The following UNKL variants were observed in gnomAD, a reference collection of about 807,000 sequenced individuals.
UNKL encodes the protein unk like zinc finger, also known as putative E3 ubiquitin-protein ligase UNKL.
A neutral mutation model predicts 78.0 loss-of-function variants in UNKL; 60 were observed. The ratio of observed to expected loss-of-function variants is 0.77; its 90% CI spans 0.63 to 0.95. UNKL has a LOEUF of 0.95. Ranked by LOEUF, UNKL falls within the 40% of genes least tolerant of loss-of-function variation. UNKL has a pLI of 0.00. For synonymous variants in UNKL, 608 were observed against 474.8 expected (o/e 1.28, Z -3.65); for missense variants, 1,159 against 1,045.7 (o/e 1.11, Z -1.49).
intron 11 of UNKL, among the ~76,000 whole-genome samples, chr16:1,370,854 C>T (rs1394519168): frequency 2.6e-5 from 4 of 152,268 alleles, no homozygotes; most frequent in Admixed American, 6.5e-5. Context: ...GAGGCCAAGG[C>T]GGGCAGATCA....
At chr16:1,379,644 A>ACGGTCCGCGGC in intron 10 of UNKL, 3 of 984,432 alleles carry the variant, frequency 3.0e-6, no homozygotes, top group Non-Finnish European at 3.6e-6. Context: ...ATGCTGACTC[A>ACGGTCCGCGGC]CGGTCCGCGG....
intron 9 of UNKL, among the ~76,000 whole-genome samples, chr16:1,388,395 C>T (rs376540553): frequency 7.2e-5 from 11 of 152,308 alleles, no homozygotes; most frequent in African/African-American, 2.6e-4. Flanking sequence ...AGGCCGCCTC[C>T]TTCCCGCCTG....
At chr16:1,371,417 C>T (rs2035828304) in intron 11 of UNKL, 102 bp downstream of exon 11, 1 of 1,152,710 alleles carries the variant, frequency 8.7e-7, no homozygotes, top group Non-Finnish European at 1.2e-6. Context: ...AACCTCAGCT[C>T]ACTGCAGCCT....
chr16:1,379,573 G>A (rs1350682975), intron 10 of UNKL: 3 of 985,158 alleles, frequency 3.0e-6, no homozygotes, highest in Middle Eastern at 1.0e-3. Context: ...GCTCCTGACC[G>A]CCGAGTAACG....
At position 1,400,417 on chromosome 16, in the gene UNKL, CAAAAAAAAAAAAAAAAAAAAAAA is replaced by C. The variant is rs56093103; in HGVS notation, c.599-931_599-909del. 3.6e-4 allele frequency among the ~76,000 whole-genome samples: 11 copies of C among 30,800 alleles called. 1 individual carries two copies. The highest frequency in any genetic ancestry group is 2.5e-3 in the Admixed American group (4 of 1,586). 20.2% of individuals were successfully genotyped at this position (30,800 alleles called of 152,430 possible). A position where few individuals can be genotyped will look rare whatever the true frequency, so the allele number is the denominator to read the frequency against. ...TGGGTGACAGAGCGAGACTCCATCT[CAAAAAAAAAAAAAAAAAAAAAAA>C]AAAAAAAAAAAAAAATCGCTGCCAT... On this transcript the variant is annotated intron_variant, in intron 4 of 14. Transcript: ENST00000389221.
chr16:1,379,357 G>A (rs1039236549), intron 10 of UNKL, among the ~76,000 whole-genome samples: 1 of 151,628 alleles, frequency 6.6e-6, no homozygotes, highest in African/African-American at 2.4e-5. Flanking sequence ...CTCCCTCGGG[G>A]CACCGACCCC....
At position 1,367,128 on chromosome 16, in the gene UNKL, C is replaced by G; in HGVS notation, c.2010G>C (p.Gln670His). The change falls in exon 14 of 15, where the codon CAG (glutamine) becomes CAC (histidine). Residue 670 changes from glutamine to histidine, a missense_variant. Physicochemically the swap from Gln to His is conservative, Grantham distance 24. Coordinates refer to ENST00000389221, the MANE Select transcript of UNKL (RefSeq NM_001372107.1). ...TIPLPKLHSL[Q>H]SQLRLDLEAV... ...CCTCCAGGTCCAGGCGCAGCTGACT[C>G]TGCAGCGAGTGCAGCTTCGGCAGGG... is the stretch of plus-strand genomic sequence containing the variant. 1 of 1,592,754 alleles carries G rather than the reference C, an allele frequency of 6.3e-7. No individual in the cohort carries two copies. The highest frequency in any genetic ancestry group is 8.5e-7 in the Non-Finnish European group (1 of 1,172,704).
chr16:1,366,577 G>A (rs1224690532), intron 14 of UNKL, among the ~76,000 whole-genome samples, 182 bp from the exon 15 acceptor site: 2 of 152,200 alleles, frequency 1.3e-5, no homozygotes, highest in African/African-American at 4.8e-5. Flanking sequence ...TGCGGGGTCA[G>A]GGGGTATGCT....
intron 2 of UNKL, among the ~76,000 whole-genome samples, chr16:1,408,232 G>A (rs544540167): frequency 1.3e-5 from 2 of 150,944 alleles, no homozygotes; most frequent in Non-Finnish European, 2.9e-5. Flanking sequence ...CACCCCCGGG[G>A]CCTCAAGGCC....
chr16:1,377,633 C>T (rs762089065), intron 10 of UNKL, among the ~76,000 whole-genome samples: 15 of 152,154 alleles, frequency 9.9e-5, no homozygotes, highest in Non-Finnish European at 1.6e-4. Context: ...CAGCTTCCCT[C>T]CCAGGCCCAC....
At chr16:1,395,404 G>A (rs1044566975) in intron 6 of UNKL, among the ~76,000 whole-genome samples, 1 of 152,164 alleles carries the variant, frequency 6.6e-6, no homozygotes, top group South Asian at 2.1e-4. Flanking sequence ...GACCTCAGGT[G>A]ATCTGCCTGC....
intron 10 of UNKL, among the ~76,000 whole-genome samples, chr16:1,375,317 G>GT (rs1250235854): frequency 1.3e-5 from 2 of 152,194 alleles, no homozygotes; most frequent in African/African-American, 4.8e-5. Flanking sequence ...AGGCGGGAGA[G>GT]AAGCCTGGCT....
At chr16:1,401,514 T>TGAAAGGCACAGGGAACCAAGTGGCC in intron 4 of UNKL, 54 bp downstream of exon 4, 2 of 1,467,998 alleles carry the variant, frequency 1.4e-6, no homozygotes, top group African/African-American at 2.8e-5. Flanking sequence ...CGAGCTGTTC[T>TGAAAGGCACAGGGAACCAAGTGGCC]CGCGCTGTGC....
rs1057481467 is a variant in UNKL at position 1,399,633 on chromosome 16, C to T, written c.599-124G>A. 28 of 1,387,948 alleles carry T rather than the reference C, an allele frequency of 2.0e-5. No individual in the cohort carries two copies. In the East Asian group the frequency reaches 5.3e-4, roughly 26 times the overall value. 86.0% of individuals were successfully genotyped at this position (1,387,948 alleles called of 1,614,324 possible). A position where few individuals can be genotyped will look rare whatever the true frequency, so the allele number is the denominator to read the frequency against. On this transcript the variant is annotated intron_variant, in intron 4 of 14. Coordinates refer to ENST00000389221, the MANE Select transcript of UNKL (RefSeq NM_001372107.1). The surrounding 1 kb of genome is among the most constrained non-coding windows in gnomAD (Gnocchi z 5.8). ...AGGGGCTGCAGGAGGACTTGGGGAG[C>T]GCAGACACACGCCACGGCACACGCT...
In UNKL at chr16:1,371,597, G is replaced by A. The variant is rs1344554721; in HGVS notation, c.1279C>T (p.Leu427=). The change falls in exon 11 of 15, where the codon CTG becomes TTG. Residue 427 remains leucine (L), a synonymous_variant. Coordinates refer to ENST00000389221, the MANE Select transcript of UNKL (RefSeq NM_001372107.1). ...VEAVLGSALD[L]HLSNVNIASL... The stretch of plus-strand genomic sequence containing the variant: ...GCAATATTCACATTGCTAAGATGCA[G>A]GTCTAACGCAGAACCTGTCAACAGA... 70 of 1,536,064 alleles carry A rather than the reference G, an allele frequency of 4.6e-5. No individual in the cohort carries two copies. The highest frequency in any genetic ancestry group is 5.9e-5 in the Non-Finnish European group (68 of 1,146,906).
chr16:1,369,184 C>T (rs929107304), intron 12 of UNKL, among the ~76,000 whole-genome samples: 2 of 144,844 alleles, frequency 1.4e-5, no homozygotes, highest in East Asian at 2.2e-4. Context: ...ATTCTCCTGC[C>T]TTAGCCTCCC....
chr16:1,391,879 G>T (rs1411169810), intron 8 of UNKL, among the ~76,000 whole-genome samples: 4 of 151,954 alleles, frequency 2.6e-5, no homozygotes, highest in Non-Finnish European at 5.9e-5. Flanking sequence ...GTAGAGATGG[G>T]GTTTCACCAT....
At chr16:1,401,428 T>G in intron 4 of UNKL, 140 bp downstream of exon 4, 1 of 1,159,062 alleles carries the variant, frequency 8.6e-7, no homozygotes, top group Non-Finnish European at 1.1e-6. Flanking sequence ...GGGCTTGGTA[T>G]TGGACTCCAC....
At chr16:1,371,687 C>A in intron 10 of UNKL, 76 bp from the exon 11 acceptor site, 1 of 1,446,086 alleles carries the variant, frequency 6.9e-7, no homozygotes, top group South Asian at 1.3e-5. Context: ...AGGAGGACGA[C>A]CGTCCCACCT....
Sources: gnomAD v4.1 joint callset for allele counts (sites outside exome capture counted in the v4.1 genomes callset) on GRCh38, gnomAD v4.1.1 for gene constraint, Gnocchi (gnomAD v3.1) non-coding constraint, MANE v1.5 for transcripts, NCBI Gene and HGNC (gene_info 2026-07-23, HGNC 2026-07-21) for gene names.